Variants in BRPF1 observed in about 807,000 individuals in gnomAD.
BRPF1 encodes the protein bromodomain and PHD finger containing 1.
Under a neutral mutation model 115.0 loss-of-function variants are expected in BRPF1, and 15 were observed. That is an observed-to-expected ratio of 0.13 (90% CI 0.09 to 0.20). BRPF1 has a LOEUF of 0.20. Among genes scored for constraint, BRPF1 ranks in the 10% least tolerant of loss-of-function variants. BRPF1 has a pLI of 1.00. For synonymous variants in BRPF1, 647 were observed against 619.8 expected, an observed-to-expected ratio of 1.04 and a Z score of -0.65; for missense variants, 1,118 against 1,638.3, an observed-to-expected ratio of 0.68 and a Z score of 5.48.
Position 9,740,953 on chromosome 3 carries a change from A to G in BRPF1, c.1722+12A>G, listed in dbSNP as rs201724083. ...GTGACCAAGTTGGGGTACTGTGTCC[A>G]GTTCCCTGTGGGCTCTGGGAACTAG... On this transcript the variant is annotated intron_variant, in intron 4 of 13. Coordinates refer to ENST00000383829, the MANE Select transcript of BRPF1 (RefSeq NM_001003694.2). 4 of 1,607,432 alleles carry G rather than the reference A, an allele frequency of 2.5e-6. No homozygotes were observed. The highest frequency in any genetic ancestry group is 2.7e-5 in the African/African-American group (2 of 75,020).
intron 2 of BRPF1, 127 bp from the exon 3 acceptor site, chr3:9,738,872 G>A: frequency 1.3e-6 from 1 of 799,332 alleles, no homozygotes; most frequent in Non-Finnish European, 1.9e-6. Flanking sequence ...GTTAAGGTGA[G>A]GATGAAATGA....
intron 1 of BRPF1, among the ~76,000 whole-genome samples, chr3:9,733,698 A>G (rs2076893675): frequency 6.6e-6 from 1 of 152,258 alleles, no homozygotes; most frequent in African/African-American, 2.4e-5. Context: ...GGGAATGGCA[A>G]GATCCCCTGT....
At chr3:9,737,129 G>A (rs1330464667) in intron 2 of BRPF1, among the ~76,000 whole-genome samples, 2 of 152,156 alleles carry the variant, frequency 1.3e-5, no homozygotes, top group Non-Finnish European at 2.9e-5. Context: ...TGGGGAAGAG[G>A]TAAAAGGCTA....
intron 1 of BRPF1, 142 bp from the exon 2 acceptor site, chr3:9,733,989 G>C (rs977046204): frequency 7.3e-7 from 1 of 1,377,596 alleles, no homozygotes; most frequent in Admixed American, 2.6e-5. Context: ...TGGAGGAGAT[G>C]GCATTTGGAG....
chr3:9,745,815 T>G lies in BRPF1; in HGVS notation c.3209T>G (p.Val1070Gly). The G allele has an allele frequency of 1.2e-6, 2 of 1,613,778 alleles. No individual in the cohort carries two copies. The highest frequency in any genetic ancestry group is 1.7e-6 in the Non-Finnish European group (2 of 1,179,816). The change falls in exon 12 of 14, where the codon GTA (valine) becomes GGA (glycine). Residue 1070 changes from valine to glycine, a missense_variant. By Grantham distance (109) the Val-to-Gly change is moderately radical (BLOSUM62 -3). Around this residue, in one of 10 missense-constraint regions of BRPF1, gnomAD observed 100 missense variants for 109.9 expected, o/e 0.91. Transcript: ENST00000383829. The surrounding 1 kb of genome is among the most constrained non-coding windows in gnomAD (Gnocchi z 5.1). ...GTGRGVGHSM[V>G]RKSLGRGAGW... ...CCTCTCCCCCATTCCTGTGAAGTGG[T>G]AAGGAAGAGTCTGGGCCGGGGAGCT...
Position 9,745,272 on chromosome 3 carries a change from G to C in BRPF1, c.3068+117G>C. 1 of 1,271,842 alleles carries C rather than the reference G, an allele frequency of 7.9e-7. No individual in the cohort carries two copies. The highest frequency in any genetic ancestry group is 1.1e-6 in the Non-Finnish European group (1 of 935,290). 78.8% of individuals were successfully genotyped at this position (1,271,842 alleles called of 1,614,324 possible). ...AGCCATCTCAGTCTAGATTAAGATG[G>C]CTCAAACTCAAGGTTCTCTGCTAAA... On this transcript the variant is annotated intron_variant, in intron 10 of 13. Transcript: ENST00000383829. The surrounding 1 kb of genome is among the most constrained non-coding windows in gnomAD (Gnocchi z 5.1).
chr3:9,743,482 C>T lies in BRPF1; in HGVS notation c.2312-96C>T. The stretch of plus-strand genomic sequence containing the variant: ...TTACAGCTGTTCCTGGTGAGAAGCC[C>T]AGGGGGGATGAGTGGGTTTCTTGCT... On this transcript the variant is annotated intron_variant, in intron 7 of 13. Coordinates refer to ENST00000383829, the MANE Select transcript of BRPF1 (RefSeq NM_001003694.2). This position sits in a 1 kb window ranked among gnomAD's most constrained non-coding sequence, Gnocchi z 6.1. 2 of 1,406,392 alleles carry T rather than the reference C, an allele frequency of 1.4e-6. No homozygotes were observed. Among genetic ancestry groups the T allele is most frequent in the Non-Finnish European group, 1.9e-6 (2 of 1,025,954 alleles). The allele number at this position is 1,406,392 out of a possible 1,614,324, so 87.1% of individuals were successfully genotyped here. A position where few individuals can be genotyped will look rare whatever the true frequency, so the allele number is the denominator to read the frequency against.
intron 12 of BRPF1, 123 bp from the exon 13 acceptor site, chr3:9,746,177 T>C (rs2077122356): frequency 7.8e-7 from 1 of 1,275,192 alleles, no homozygotes; most frequent in Non-Finnish European, 1.1e-6. Flanking sequence ...GGGTCAGCAT[T>C]GCAGTTCTAG....
intron 9 of BRPF1, 107 bp from the exon 10 acceptor site, chr3:9,744,901 C>T (rs955236884): frequency 7.3e-6 from 11 of 1,497,976 alleles, no homozygotes; most frequent in South Asian, 1.1e-5. Flanking sequence ...AGGAATTTTC[C>T]AGCACAGAAG....
In BRPF1 at chr3:9,746,389, G is replaced by T; in HGVS notation, c.3414G>T (p.Glu1138Asp). The T allele has an allele frequency of 6.2e-7, 1 of 1,609,372 alleles. No homozygotes were observed. The highest frequency in any genetic ancestry group is 8.5e-7 in the Non-Finnish European group (1 of 1,176,650). Residue 1138 changes from glutamate to aspartate, a missense_variant, in exon 13 of 14, where the codon GAG becomes GAT. By Grantham distance (45) the Glu-to-Asp change is conservative (BLOSUM62 2). Around this residue, in one of 10 missense-constraint regions of BRPF1, gnomAD observed 76 missense variants for 166.1 expected, o/e 0.46. Coordinates refer to ENST00000383829, the MANE Select transcript of BRPF1 (RefSeq NM_001003694.2). Reference sequence around the variant, plus strand: ...CACTGGAGGTGCTGAAACTTGGGGAGCAGATGACCCAGGAAGCCCGAGAGC... The same window carrying T: ...CACTGGAGGTGCTGAAACTTGGGGATCAGATGACCCAGGAAGCCCGAGAGC... ...VPPLEVLKLG[E>D]QMTQEAREHL...
At position 9,739,707 on chromosome 3, in the gene BRPF1, C is replaced by T. The variant is rs1476740500; in HGVS notation, c.1308C>T (p.Phe436=). The T allele has an allele frequency of 6.2e-7, 1 of 1,613,690 alleles. No homozygotes were observed. The highest frequency in any genetic ancestry group is 8.5e-7 in the Non-Finnish European group (1 of 1,179,556). The change falls in exon 3 of 14, where the codon TTC becomes TTT. Residue 436 remains phenylalanine, a synonymous_variant. Coordinates refer to ENST00000383829, the MANE Select transcript of BRPF1 (RefSeq NM_001003694.2). The part of the protein sequence containing the change: ...VRETGANGTS[F]SVRKTAYCDI... ...AGACAGGCGCCAACGGCACCTCTTT[C>T]AGTGTCCGCAAGACAGCCTACTGCG...
chr3:9,736,999 A>G (rs1035438263), intron 2 of BRPF1, among the ~76,000 whole-genome samples: 16 of 152,210 alleles, frequency 1.1e-4, no homozygotes, highest in African/African-American at 3.9e-4. Context: ...GTGTCATGGC[A>G]GAGAAAAGGG....
chr3:9,746,228 C>G, intron 12 of BRPF1, 72 bp from the exon 13 acceptor site: 1 of 1,479,628 alleles, frequency 6.8e-7, no homozygotes, highest in Non-Finnish European at 9.0e-7. Flanking sequence ...GACATACTCT[C>G]TAAGTTCTTG....
chr3:9,731,779 C>G lies in BRPF1; in HGVS notation c.-370C>G, dbSNP rs992250182. 6.3e-6 allele frequency: 1 copy of G among 157,910 alleles called. No homozygotes were observed. The highest frequency in any genetic ancestry group is 6.5e-5 in the Admixed American group (1 of 15,346). The allele number at this position is 157,910 out of a possible 1,614,324, so 9.8% of individuals were successfully genotyped here. A position where few individuals can be genotyped will look rare whatever the true frequency, so the allele number is the denominator to read the frequency against. On this transcript the variant is annotated 5_prime_UTR_variant, in exon 1 of 14. Transcript: ENST00000383829. ...GCCGCCGCTGCTGCCGCCGCCGCTGCCACAGCCTTTGCCGCCACGGTCTCC... is the reference window on the plus strand; with the variant it reads ...GCCGCCGCTGCTGCCGCCGCCGCTGGCACAGCCTTTGCCGCCACGGTCTCC...
chr3:9,745,293 C>G lies in BRPF1; in HGVS notation c.3068+138C>G. The stretch of plus-strand genomic sequence containing the variant: ...GATGGCTCAAACTCAAGGTTCTCTG[C>G]TAAATAAATAAATCAGTGTTACCAT... On this transcript the variant is annotated intron_variant, in intron 10 of 13. Coordinates refer to ENST00000383829, the MANE Select transcript of BRPF1 (RefSeq NM_001003694.2). The surrounding 1 kb of genome is among the most constrained non-coding windows in gnomAD (Gnocchi z 5.1). The G allele has an allele frequency of 9.0e-7, 1 of 1,113,926 alleles. No homozygotes were observed. Among genetic ancestry groups the G allele is most frequent in the Non-Finnish European group, 1.3e-6 (1 of 796,800 alleles). 69.0% of individuals were successfully genotyped at this position (1,113,926 alleles called of 1,614,324 possible).
rs1239713786 is a variant in BRPF1 at position 9,734,951 on chromosome 3, CAGGT to C, written c.599+218_599+221del. ...TCCTTTATTTTATTCTCAAAACTCT[CAGGT>C]AGGTATTTTTCTCATTTCACAGATG... On this transcript the variant is annotated intron_variant, in intron 2 of 13. Coordinates refer to ENST00000383829, the MANE Select transcript of BRPF1 (RefSeq NM_001003694.2). This position sits in a 1 kb window ranked among gnomAD's most constrained non-coding sequence, Gnocchi z 5.7. Among the ~76,000 whole-genome samples the C allele has an allele frequency of 3.3e-5, 5 of 151,732 alleles. No homozygotes were observed. Among genetic ancestry groups the C allele is most frequent in the African/African-American group, 4.8e-5 (2 of 41,274 alleles).
At chr3:9,737,987 C>T (rs2076969843) in intron 2 of BRPF1, among the ~76,000 whole-genome samples, 1 of 152,138 alleles carries the variant, frequency 6.6e-6, no homozygotes, top group Non-Finnish European at 1.5e-5. Context: ...TCCTAAAAGT[C>T]ATAAAATGGC....
At position 9,745,623 on chromosome 3, in the gene BRPF1, C is replaced by G; in HGVS notation, c.3119C>G (p.Thr1040Ser). 1 of 1,614,240 alleles carries G rather than the reference C, an allele frequency of 6.2e-7. No individual in the cohort carries two copies. The highest frequency in any genetic ancestry group is 1.1e-5 in the South Asian group (1 of 91,084). Residue 1040 changes from threonine (T) to serine (S), a missense_variant, in exon 11 of 14, where the codon ACT (threonine) becomes AGT (serine). Physicochemically the swap from Thr to Ser is moderately conservative, Grantham distance 58. This residue lies in a region of BRPF1 where 100 missense variants were observed against 109.9 expected (regional missense o/e 0.91). Transcript: ENST00000383829. The surrounding 1 kb of genome is among the most constrained non-coding windows in gnomAD (Gnocchi z 5.1). Reference protein sequence around the residue: ...GRGKPSFSRGTFPEDSSEDTS... With the variant: ...GRGKPSFSRGSFPEDSSEDTS... ...GGCAAACCCTCCTTCTCTCGGGGCA[C>G]TTTCCCAGAGGACAGCAGTGAGGAT... is the stretch of plus-strand genomic sequence containing the variant.
In BRPF1 at chr3:9,746,523, G is replaced by C. The variant is rs1444132320; in HGVS notation, c.3479+69G>C. On this transcript the variant is annotated intron_variant, in intron 13 of 13. Coordinates refer to ENST00000383829, the MANE Select transcript of BRPF1 (RefSeq NM_001003694.2). ...GCCCTGTGTGGTATGGGGGCAGACT[G>C]CCAGGAAACTCCAGCAACAGGCAGA... 9 of 1,429,752 alleles carry C rather than the reference G, an allele frequency of 6.3e-6. No homozygotes were observed. The African/African-American group carries it at 1.2e-4, about 18-fold the overall frequency. The allele number at this position is 1,429,752 out of a possible 1,614,324, so 88.6% of individuals were successfully genotyped here. A position where few individuals can be genotyped will look rare whatever the true frequency, so the allele number is the denominator to read the frequency against.
Sources: gnomAD v4.1 joint callset for allele counts (sites outside exome capture counted in the v4.1 genomes callset) on GRCh38, gnomAD v4.1.1 for gene constraint, gnomAD v4.1.1 regional missense constraint, Gnocchi (gnomAD v3.1) non-coding constraint, MANE v1.5 for transcripts, NCBI Gene and HGNC (gene_info 2026-07-23, HGNC 2026-07-21) for gene names.